Variants in PARD3 observed in about 807,000 individuals in gnomAD.
The protein encoded by PARD3 is partitioning defective 3 homolog.
Under a neutral mutation model 155.4 loss-of-function variants are expected in PARD3, and 75 were observed. The observed-to-expected ratio is 0.48, with a 90% CI of 0.40 to 0.58. PARD3 has a LOEUF of 0.58. PARD3 is among the 20% of genes least tolerant of loss of function. The probability of loss-of-function intolerance (pLI) is 0.00; values close to 1 mark genes in which losing one functional copy is unlikely to be tolerated. For missense variants in PARD3, 1,642 were observed against 1,721.7 expected, an observed-to-expected ratio of 0.95 and a Z score of 0.82; for synonymous variants, 576 against 610.5, an observed-to-expected ratio of 0.94 and a Z score of 0.83.
intron 2 of PARD3, among the ~76,000 whole-genome samples, chr10:34,611,886 T>C (rs912019799): frequency 1.4e-5 from 2 of 145,738 alleles, no homozygotes; most frequent in Non-Finnish European, 3.0e-5. Context: ...CTCGGTTCAC[T>C]GCAAGCTCCG....
At chr10:34,430,439 A>G (rs967128190) in intron 5 of PARD3, among the ~76,000 whole-genome samples, 4 of 152,210 alleles carry the variant, frequency 2.6e-5, no homozygotes, top group Non-Finnish European at 4.4e-5. Flanking sequence ...ACTATCAAAA[A>G]TTTGTAGCAA....
intron 5 of PARD3, among the ~76,000 whole-genome samples, chr10:34,409,923 CG>C (rs1844881639): frequency 6.6e-6 from 1 of 151,996 alleles, no homozygotes; most frequent in African/African-American, 2.4e-5. Flanking sequence ...ATAAAAAACA[CG>C]GATTTTGCAT....
chr10:34,383,654 T>G (rs1488227347), intron 8 of PARD3, among the ~76,000 whole-genome samples: 2 of 152,164 alleles, frequency 1.3e-5, no homozygotes, highest in Non-Finnish European at 2.9e-5. Flanking sequence ...GTTATGTTTT[T>G]CATTGACTAA....
chr10:34,264,044 C>T (rs1019150752), intron 22 of PARD3, among the ~76,000 whole-genome samples: 2 of 152,134 alleles, frequency 1.3e-5, no homozygotes, highest in Non-Finnish European at 2.9e-5. Flanking sequence ...CAGATGGTCC[C>T]GGACTTGCTA....
intron 21 of PARD3, among the ~76,000 whole-genome samples, 193 bp from the exon 22 acceptor site, chr10:34,270,092 T>C (rs906180611): frequency 2.0e-5 from 3 of 152,078 alleles, no homozygotes; most frequent in African/African-American, 7.2e-5. Flanking sequence ...AAGAATAATT[T>C]GAGATGCCCT....
At chr10:34,410,430 A>T (rs1844934695) in intron 5 of PARD3, among the ~76,000 whole-genome samples, 1 of 152,196 alleles carries the variant, frequency 6.6e-6, no homozygotes. Context: ...TCGGGTAAAC[A>T]TATCATCATT....
At chr10:34,793,082 G>A (rs1841860976) in intron 1 of PARD3, among the ~76,000 whole-genome samples, 1 of 152,216 alleles carries the variant, frequency 6.6e-6, no homozygotes. Flanking sequence ...CACTTGGTGT[G>A]GCACTGAGAA....
intron 2 of PARD3, among the ~76,000 whole-genome samples, chr10:34,614,503 G>A (rs1020563177): frequency 1.8e-4 from 28 of 152,182 alleles, no homozygotes; most frequent in African/African-American, 6.5e-4. Flanking sequence ...TTATCTCATT[G>A]GACCCAGATC....
At chr10:34,140,574 T>C (rs1948135452) in intron 22 of PARD3, among the ~76,000 whole-genome samples, 1 of 152,218 alleles carries the variant, frequency 6.6e-6, no homozygotes, top group African/African-American at 2.4e-5. Flanking sequence ...ACTGTGGCTA[T>C]TCACTATGGC....
intron 23 of PARD3, among the ~76,000 whole-genome samples, chr10:34,123,366 G>T (rs188559674): frequency 8.6e-4 from 131 of 152,252 alleles, no homozygotes; most frequent in African/African-American, 2.9e-3. Flanking sequence ...ATTCAAGCTT[G>T]AGGAAGCTAT....
At chr10:34,431,366 C>T (rs948494325) in intron 5 of PARD3, among the ~76,000 whole-genome samples, 2 of 152,176 alleles carry the variant, frequency 1.3e-5, no homozygotes, top group Non-Finnish European at 2.9e-5. Flanking sequence ...GAAGGCACAG[C>T]AGTCCACCAG....
At chr10:34,272,072 T>C (rs985879163) in intron 21 of PARD3, among the ~76,000 whole-genome samples, 2 of 152,236 alleles carry the variant, frequency 1.3e-5, no homozygotes, top group Admixed American at 6.5e-5. Context: ...ATAAAATAGT[T>C]TTTTCAACCA....
At position 34,317,311 on chromosome 10, in the gene PARD3, C is replaced by T. The variant is rs1242164556; in HGVS notation, c.2861G>A (p.Arg954Lys). The change falls in exon 20 of 25, where the codon AGA becomes AAA. Residue 954 changes from arginine (R) to lysine (K), a missense_variant. Arg to Lys is a conservative substitution (Grantham distance 26). Coordinates refer to ENST00000374788, the MANE Select transcript of PARD3 (RefSeq NM_001184785.2). The stretch of plus-strand genomic sequence containing the variant: ...TGTGGATACAGACTCTCTCCCTGAT[C>T]TTGAACTTTCTTCTGTGTCTTCTTC... ...TLEEDTEESS[R>K]SGRESVSTAS... 1 of 1,608,510 alleles carries T rather than the reference C, an allele frequency of 6.2e-7. No individual in the cohort carries two copies. The highest frequency in any genetic ancestry group is 8.5e-7 in the Non-Finnish European group (1 of 1,178,474).
intron 22 of PARD3, among the ~76,000 whole-genome samples, chr10:34,172,327 T>C (rs991017254): frequency 6.6e-6 from 1 of 152,196 alleles, no homozygotes; most frequent in African/African-American, 2.4e-5. Flanking sequence ...CACTCATCCA[T>C]AGTACTATAA....
At chr10:34,673,423 A>C (rs1047252977) in intron 2 of PARD3, among the ~76,000 whole-genome samples, 6 of 152,244 alleles carry the variant, frequency 3.9e-5, no homozygotes, top group Admixed American at 3.3e-4. Context: ...ATCCTCGAAA[A>C]TATGAATTGT....
chr10:34,321,120 A>T (rs547631844), intron 19 of PARD3, among the ~76,000 whole-genome samples: 8 of 152,334 alleles, frequency 5.3e-5, no homozygotes, highest in Admixed American at 1.3e-4. Context: ...ATACATATTC[A>T]AAGTCACTGA....
chr10:34,684,778 T>TACACACAC (rs3087285), intron 2 of PARD3, among the ~76,000 whole-genome samples: 12 of 119,030 alleles, frequency 1.0e-4, no homozygotes, highest in South Asian at 3.2e-4. Flanking sequence ...TGATGATACA[T>TACACACAC]ACACACACAC....
At chr10:34,544,824 G>A (rs1031604445) in intron 2 of PARD3, among the ~76,000 whole-genome samples, 4 of 152,182 alleles carry the variant, frequency 2.6e-5, no homozygotes, top group African/African-American at 9.7e-5. Flanking sequence ...AGTAATGTTA[G>A]GATGTAGTAA....
At chr10:34,197,715 G>A (rs766343078) in intron 22 of PARD3, among the ~76,000 whole-genome samples, 3 of 152,160 alleles carry the variant, frequency 2.0e-5, no homozygotes. Context: ...TGCTCCTACT[G>A]CAGGAGGTGA....
Sources: allele counts gnomAD v4.1 joint callset (sites outside exome capture counted in the v4.1 genomes callset), GRCh38; gene constraint gnomAD v4.1.1; transcripts MANE v1.5; gene names NCBI Gene and HGNC (gene_info 2026-07-23, HGNC 2026-07-21).